DIS3L2: variants seen among roughly 807,000 people sequenced by gnomAD.
DIS3L2 encodes DIS3-like exonuclease 2.
In DIS3L2, 34 loss-of-function variants were observed where a neutral mutation model predicts 97.5. The ratio of observed to expected loss-of-function variants is 0.35; its 90% CI spans 0.27 to 0.46. DIS3L2 has a LOEUF of 0.46. Among genes scored for constraint, DIS3L2 ranks in the 20% least tolerant of loss-of-function variants. DIS3L2 has a pLI of 1.00. For missense variants in DIS3L2, 1,038 were observed against 1,146.0 expected, an observed-to-expected ratio of 0.91 and a Z score of 1.36; for synonymous variants, 435 against 445.2, an observed-to-expected ratio of 0.98 and a Z score of 0.29.
intron 1 of DIS3L2, among the ~76,000 whole-genome samples, chr2:231,981,973 G>A (rs1693276817): frequency 6.6e-6 from 1 of 151,366 alleles, no homozygotes; most frequent in Admixed American, 6.6e-5. Flanking sequence ...GGCTGAGGTT[G>A]TGGAGCTGAG....
At position 232,107,648 on chromosome 2, in the gene DIS3L2, G is replaced by A. The variant is rs764908612; in HGVS notation, c.601+19927G>A. ...CAGGAGGTGTAGGATACAGTGAGCC[G>A]AGGTCTCGCCACTGCACTCCAGCCT... On this transcript the variant is annotated intron_variant, in intron 6 of 20. Transcript: ENST00000325385. 2.0e-5 allele frequency among the ~76,000 whole-genome samples: 3 copies of A among 152,138 alleles called. No homozygotes were observed. In the South Asian group the frequency reaches 6.2e-4, roughly 32 times the overall value.
At chr2:232,132,856 C>T (rs1370574129) in intron 7 of DIS3L2, among the ~76,000 whole-genome samples, 2 of 152,036 alleles carry the variant, frequency 1.3e-5, no homozygotes, top group East Asian at 1.9e-4. Context: ...CTGCGACTCT[C>T]GTCTACCCAG....
intron 9 of DIS3L2, among the ~76,000 whole-genome samples, chr2:232,201,640 A>G (rs1055263221): frequency 1.3e-5 from 2 of 152,246 alleles, no homozygotes; most frequent in African/African-American, 4.8e-5. Context: ...AACGTGGTCT[A>G]TGAATTGGGT....
intron 13 of DIS3L2, among the ~76,000 whole-genome samples, chr2:232,265,121 G>T (rs1202491537): frequency 2.6e-5 from 4 of 152,214 alleles, no homozygotes; most frequent in African/African-American, 9.6e-5. Flanking sequence ...CTGCCTGATT[G>T]TCAAGTCCCA....
In DIS3L2 at chr2:232,311,351, A is replaced by C. The variant is rs74895183; in HGVS notation, c.1739+11232A>C. Among the ~76,000 whole-genome samples the C allele has an allele frequency of 2.5e-3, 377 of 152,372 alleles. 1 individual carries two copies. Among genetic ancestry groups the C allele is most frequent in the Non-Finnish European group, 4.4e-3 (298 of 68,040 alleles). ...GCTTTGTAAAACTTACTTCTGAATT[A>C]TGACATGCATAGAGAAAAGTGTACA... On this transcript the variant is annotated intron_variant, in intron 14 of 20. Transcript: ENST00000325385.
At chr2:232,164,284 TG>T (rs1438601739) in intron 9 of DIS3L2, among the ~76,000 whole-genome samples, 1 of 152,220 alleles carries the variant, frequency 6.6e-6, no homozygotes, top group Non-Finnish European at 1.5e-5. Context: ...TGGAATTTGT[TG>T]GAAAGTACTT....
In DIS3L2 at chr2:232,270,868, C is replaced by CTCTCTCTCTCTCTT. The variant is rs1418662314; in HGVS notation, c.1659+7441_1659+7442insTTCTCTCTCTCTCT. On this transcript the variant is annotated intron_variant, in intron 13 of 20. Transcript: ENST00000325385. The stretch of plus-strand genomic sequence containing the variant: ...CGCGCTCTCTTTTTCTCGTCTCTCT[C>CTCTCTCTCTCTCTT]TCTCTCTCTCTCTCTCTCTCTCTCT... Among the ~76,000 whole-genome samples the CTCTCTCTCTCTCTT allele has an allele frequency of 7.1e-3, 306 of 42,814 alleles. 4 individuals are homozygous for CTCTCTCTCTCTCTT. The highest frequency in any genetic ancestry group is 9.7e-3 in the Non-Finnish European group (181 of 18,750). 28.1% of individuals were successfully genotyped at this position (42,814 alleles called of 152,430 possible).
chr2:232,030,535 C>T (rs879012226), intron 5 of DIS3L2, among the ~76,000 whole-genome samples: 1 of 152,070 alleles, frequency 6.6e-6, no homozygotes, highest in Admixed American at 6.6e-5. Context: ...GGTGCCTTGG[C>T]AGATAAAAAT....
intron 6 of DIS3L2, among the ~76,000 whole-genome samples, chr2:232,094,466 C>A (rs1175900325): frequency 6.6e-6 from 1 of 151,928 alleles, no homozygotes; most frequent in Non-Finnish European, 1.5e-5. Context: ...GCCTGTAATC[C>A]CAGCACTTTA....
chr2:231,983,835 G>A (rs887600576), intron 1 of DIS3L2, among the ~76,000 whole-genome samples: 8 of 151,082 alleles, frequency 5.3e-5, no homozygotes, highest in African/African-American at 1.9e-4. Context: ...GTTGCAGTGA[G>A]CCGAGATCAC....
intron 1 of DIS3L2, among the ~76,000 whole-genome samples, chr2:231,975,222 G>A (rs1283710675): frequency 1.4e-4 from 21 of 152,130 alleles, no homozygotes; most frequent in Admixed American, 1.3e-3. Flanking sequence ...CTCTGACCAG[G>A]CCCTTCAGGG....
At chr2:232,096,033 T>G (rs1482728964) in intron 6 of DIS3L2, among the ~76,000 whole-genome samples, 1 of 151,764 alleles carries the variant, frequency 6.6e-6, no homozygotes, top group Non-Finnish European at 1.5e-5. Flanking sequence ...TTAGGATCCT[T>G]TCTTTATCCC....
chr2:232,095,800 TC>T (rs1427627994), intron 6 of DIS3L2, among the ~76,000 whole-genome samples: 2 of 152,162 alleles, frequency 1.3e-5, no homozygotes, highest in Non-Finnish European at 2.9e-5. Context: ...TCTTTATTTC[TC>T]CTTGATGTTT....
chr2:232,037,299 G>A lies in DIS3L2; in HGVS notation c.366+7219G>A, dbSNP rs997976122. On this transcript the variant is annotated intron_variant, in intron 5 of 20. Transcript: ENST00000325385. This position sits in a 1 kb window ranked among gnomAD's most constrained non-coding sequence, Gnocchi z 4.6. ...GCTTTGCGGTGCTGTGGTGGGCTCC[G>A]CCCAGCTTGAACTTCCTGGTGGCTT... Among the ~76,000 whole-genome samples the A allele has an allele frequency of 1.3e-5, 2 of 152,180 alleles. No homozygotes were observed. Among genetic ancestry groups the A allele is most frequent in the East Asian group, 3.9e-4 (2 of 5,182 alleles).
chr2:232,334,253 G>A (rs1180428157), intron 17 of DIS3L2, 116 bp from the exon 18 acceptor site: 5 of 1,345,676 alleles, frequency 3.7e-6, no homozygotes, highest in Non-Finnish European at 5.0e-6. Flanking sequence ...CTGGGAGCTG[G>A]GTGCTTGGGG....
chr2:231,978,221 A>G (rs1436792023), intron 1 of DIS3L2, among the ~76,000 whole-genome samples: 2 of 152,232 alleles, frequency 1.3e-5, no homozygotes, highest in African/African-American at 4.8e-5. Flanking sequence ...TGAATACCCA[A>G]TGTACACAAC....
intron 8 of DIS3L2, among the ~76,000 whole-genome samples, chr2:232,139,919 A>T (rs1698464735): frequency 6.6e-6 from 1 of 152,184 alleles, no homozygotes; most frequent in South Asian, 2.1e-4. Context: ...CCCAGATGCG[A>T]TGACTAATTA....
At chr2:232,077,957 CTT>C (rs1458307551) in intron 5 of DIS3L2, among the ~76,000 whole-genome samples, 5 of 32,078 alleles carry the variant, frequency 1.6e-4, no homozygotes, top group Admixed American at 2.9e-4. Flanking sequence ...CTTTCTTTCT[CTT>C]TCTTTCTTTC....
intron 9 of DIS3L2, among the ~76,000 whole-genome samples, chr2:232,202,848 G>A (rs1691932827): frequency 6.6e-6 from 1 of 152,210 alleles, no homozygotes; most frequent in South Asian, 2.1e-4. Context: ...GTAGAAGTGC[G>A]TGAAACAGTA....
Sources: allele counts gnomAD v4.1 joint callset (sites outside exome capture counted in the v4.1 genomes callset), GRCh38; gene constraint gnomAD v4.1.1; non-coding constraint Gnocchi (gnomAD v3.1); transcripts MANE v1.5; gene names NCBI Gene and HGNC (gene_info 2026-07-23, HGNC 2026-07-21).